The following SPAG16 variants were observed in gnomAD, a reference collection of about 807,000 sequenced individuals.
The protein encoded by SPAG16 is sperm-associated antigen 16 protein.
In SPAG16, 86 loss-of-function variants were observed where a neutral mutation model predicts 80.4. That is an observed-to-expected ratio of 1.07 (90% confidence interval 0.90 to 1.28). The LOEUF (loss-of-function observed/expected upper bound fraction) is 1.28, where lower values mean the gene tolerates loss of function less well. SPAG16 is among the 50% of genes most tolerant of loss of function. SPAG16 has a pLI of 0.00. For missense variants in SPAG16, 870 were observed against 765.3 expected (o/e 1.14, Z -1.61); for synonymous variants, 294 against 265.9 (o/e 1.11, Z -1.03).
intron 11 of SPAG16, among the ~76,000 whole-genome samples, chr2:213,892,706 C>T (rs552012359): frequency 2.4e-4 from 36 of 152,074 alleles, no homozygotes; most frequent in East Asian, 2.1e-3. Context: ...AGAATGACCA[C>T]GCAGATGAAA....
chr2:214,235,838 C>T (rs2125813853), intron 15 of SPAG16, among the ~76,000 whole-genome samples: 1 of 152,210 alleles, frequency 6.6e-6, no homozygotes, highest in Non-Finnish European at 1.5e-5. Flanking sequence ...TGTATTATAG[C>T]TATGACAACA....
intron 11 of SPAG16, among the ~76,000 whole-genome samples, chr2:213,926,545 G>T (rs2106230193): frequency 6.6e-6 from 1 of 151,516 alleles, no homozygotes; most frequent in East Asian, 1.9e-4. Context: ...TCTGAATTTT[G>T]CTGTTTCTCA....
chr2:213,823,565 T>C (rs1198388076), intron 10 of SPAG16, among the ~76,000 whole-genome samples: 3 of 152,062 alleles, frequency 2.0e-5, no homozygotes, highest in African/African-American at 7.2e-5. Flanking sequence ...TCTCCATGTT[T>C]GTCAGGCTGG....
At chr2:214,012,288 A>ATATATTTTT (rs1553694500) in intron 12 of SPAG16, among the ~76,000 whole-genome samples, 3 of 46,806 alleles carry the variant, frequency 6.4e-5, no homozygotes, top group African/African-American at 2.5e-4. Flanking sequence ...ATATATATAT[A>ATATATTTTT]TTTTTTTTTT....
At chr2:213,418,572 T>C (rs996508378) in intron 9 of SPAG16, among the ~76,000 whole-genome samples, 1 of 152,238 alleles carries the variant, frequency 6.6e-6, no homozygotes, top group African/African-American at 2.4e-5. Flanking sequence ...TCTTGATGAA[T>C]GCAGTATATT....
At chr2:213,859,484 A>AAATTGGTT (rs1291300992) in intron 10 of SPAG16, among the ~76,000 whole-genome samples, 7 of 152,088 alleles carry the variant, frequency 4.6e-5, no homozygotes, top group Non-Finnish European at 1.0e-4. Flanking sequence ...GGCAATTTCT[A>AAATTGGTT]AATTGGTTCT....
chr2:214,269,272 C>T (rs1327480284), intron 15 of SPAG16, among the ~76,000 whole-genome samples: 2 of 151,870 alleles, frequency 1.3e-5, no homozygotes, highest in Non-Finnish European at 1.5e-5. Context: ...ATGATAAAAT[C>T]AATGGGACTT....
intron 10 of SPAG16, among the ~76,000 whole-genome samples, chr2:213,690,549 T>C (rs776006676): frequency 6.6e-6 from 1 of 152,180 alleles, no homozygotes; most frequent in Non-Finnish European, 1.5e-5. Context: ...GATGTGTCTG[T>C]GAGGGACACA....
intron 11 of SPAG16, among the ~76,000 whole-genome samples, chr2:213,915,750 C>T (rs558448812): frequency 6.6e-6 from 1 of 152,200 alleles, no homozygotes; most frequent in South Asian, 2.1e-4. Context: ...GTGTAAAAGC[C>T]TTCCTATTTC....
chr2:214,080,361 G>A lies in SPAG16; in HGVS notation c.1528-27835G>A, dbSNP rs376638501. On this transcript the variant is annotated intron_variant, in intron 13 of 15. Coordinates refer to ENST00000331683, the MANE Select transcript of SPAG16 (RefSeq NM_024532.5). ...CGCCTGTAATCCCAGCACTTTGGGA[G>A]GCCGAGGCAGGCGGATCACAAGGTC... Among the ~76,000 whole-genome samples the A allele has an allele frequency of 2.6e-4, 40 of 152,012 alleles. No individual in the cohort carries two copies. In the East Asian group the frequency reaches 5.6e-3, roughly 21 times the overall value.
At chr2:213,971,256 A>G (rs1450810366) in intron 12 of SPAG16, among the ~76,000 whole-genome samples, 1 of 152,150 alleles carries the variant, frequency 6.6e-6, no homozygotes, top group South Asian at 2.1e-4. Context: ...CACCTTTTCA[A>G]TCATAACTAT....
chr2:214,268,521 T>C (rs1691754477), intron 15 of SPAG16, among the ~76,000 whole-genome samples: 2 of 151,896 alleles, frequency 1.3e-5, no homozygotes, highest in Non-Finnish European at 2.9e-5. Context: ...TAAGAGGACA[T>C]TGTCTTAAGT....
At chr2:213,665,698 A>T (rs1207050199) in intron 10 of SPAG16, among the ~76,000 whole-genome samples, 1 of 152,170 alleles carries the variant, frequency 6.6e-6, no homozygotes, top group East Asian at 1.9e-4. Flanking sequence ...ATTTTTAAAG[A>T]TGCCTTATTT....
At chr2:213,540,672 A>G (rs1035051206) in intron 10 of SPAG16, among the ~76,000 whole-genome samples, 3 of 152,250 alleles carry the variant, frequency 2.0e-5, no homozygotes, top group Non-Finnish European at 4.4e-5. Context: ...TACTTTAAAG[A>G]ATGTTTCATT....
rs565819599 is a variant in SPAG16 at position 213,448,187 on chromosome 2, G to A, written c.943-41776G>A. On this transcript the variant is annotated intron_variant, in intron 9 of 15. Transcript: ENST00000331683. ...GCTTGGAGATCGGCTAATGAGTCTCGAACATCGCATGCAAATGCAGTGCAA... is the reference window on the plus strand; with the variant it reads ...GCTTGGAGATCGGCTAATGAGTCTCAAACATCGCATGCAAATGCAGTGCAA... 5.9e-5 allele frequency among the ~76,000 whole-genome samples: 9 copies of A among 152,312 alleles called. No homozygotes were observed. The South Asian group carries it at 1.5e-3, about 25-fold the overall frequency.
intron 15 of SPAG16, among the ~76,000 whole-genome samples, chr2:214,223,474 A>C (rs1176064092): frequency 3.9e-5 from 6 of 152,170 alleles, no homozygotes; most frequent in African/African-American, 1.4e-4. Context: ...AACCAAAAAA[A>C]AAATAAAGTT....
chr2:213,590,920 T>C (rs776462114), intron 10 of SPAG16, among the ~76,000 whole-genome samples: 5 of 83,124 alleles, frequency 6.0e-5, no homozygotes, highest in African/African-American at 1.2e-4. Flanking sequence ...CAGTGATGGA[T>C]TGGTTAAAGA....
chr2:214,079,657 C>A (rs1358049305), intron 13 of SPAG16, among the ~76,000 whole-genome samples: 1 of 152,030 alleles, frequency 6.6e-6, no homozygotes, highest in Admixed American at 6.5e-5. Context: ...AGTTTTCTAC[C>A]GGCAAGATGA....
chr2:214,039,875 T>C (rs1304204492), intron 13 of SPAG16, among the ~76,000 whole-genome samples: 1 of 152,194 alleles, frequency 6.6e-6, no homozygotes, highest in African/African-American at 2.4e-5. Flanking sequence ...CTAGGGTTTT[T>C]CAAAGATAGT....
Sources: allele counts gnomAD v4.1 joint callset (sites outside exome capture counted in the v4.1 genomes callset), GRCh38; gene constraint gnomAD v4.1.1; transcripts MANE v1.5; gene names NCBI Gene and HGNC (gene_info 2026-07-23, HGNC 2026-07-21).